MID1: variants seen among roughly 807,000 people sequenced by gnomAD.
MID1 encodes the protein midline 1.
MID1 carries 7 observed loss-of-function variants against 40.4 expected under a neutral mutation model. That is an observed-to-expected ratio of 0.17 (90% confidence interval 0.10 to 0.33). MID1 has a LOEUF of 0.33. Among genes scored for constraint, MID1 ranks in the 10% least tolerant of loss-of-function variants. The probability of loss-of-function intolerance (pLI) is 1.00; values close to 1 mark genes in which losing one functional copy is unlikely to be tolerated. For synonymous variants in MID1, 229 were observed against 221.2 expected (o/e 1.04, Z -0.31); for missense variants, 367 against 558.5 (o/e 0.66, Z 3.46).
At chrX:10,785,640 C>G in intron 1 of MID1, among the ~76,000 whole-genome samples, 1 of 110,702 alleles carries the variant, frequency 9.0e-6, no homozygotes, top group Non-Finnish European at 1.9e-5. Flanking sequence ...TGGAACAGAA[C>G]AGAGCCCTCA....
chrX:10,461,840 TGTTACAAAAAAATGACTATTGTG>T (rs1929062632), intron 7 of MID1, among the ~76,000 whole-genome samples: 1 of 112,203 alleles, frequency 8.9e-6, no homozygotes, highest in Admixed American at 9.5e-5. Context: ...TAATTGAATA[TGTTACAAAAAAATGACTATTGTG>T]GTCAAAGAAA....
chrX:10,509,366 A>C (rs925576018), intron 3 of MID1, among the ~76,000 whole-genome samples: 2 of 111,841 alleles, frequency 1.8e-5, no homozygotes, highest in African/African-American at 3.3e-5. Flanking sequence ...ATTATTTATA[A>C]GTGTTTTCCC....
chrX:10,540,116 G>A (rs1011559735), intron 2 of MID1, among the ~76,000 whole-genome samples: 2 of 112,058 alleles, frequency 1.8e-5, no homozygotes, highest in Non-Finnish European at 3.8e-5. Context: ...CACAAGAATC[G>A]CTTGAACCTT....
At chrX:10,667,052 AC>A (rs1948100676) in intron 1 of MID1, among the ~76,000 whole-genome samples, 1 of 111,225 alleles carries the variant, frequency 9.0e-6, no homozygotes, top group African/African-American at 3.3e-5. Context: ...TGGGGGTGGG[AC>A]AGGGAAGTGG....
chrX:10,668,967 C>CCCAG (rs1172717278), intron 1 of MID1, among the ~76,000 whole-genome samples: 1 of 110,962 alleles, frequency 9.0e-6, no homozygotes, highest in Non-Finnish European at 1.9e-5. Flanking sequence ...CGCCTATAAT[C>CCCAG]CCAGCACTTT....
At chrX:10,575,822 A>G (rs1934857035) in intron 1 of MID1, among the ~76,000 whole-genome samples, 1 of 111,309 alleles carries the variant, frequency 9.0e-6, no homozygotes, top group Non-Finnish European at 1.9e-5. Flanking sequence ...TATAAATAAT[A>G]CATCAAGTAA....
chrX:10,548,010 A>G (rs897105579), intron 2 of MID1, among the ~76,000 whole-genome samples: 1 of 112,354 alleles, frequency 8.9e-6, no homozygotes, highest in African/African-American at 3.2e-5. Context: ...AGTACCTTCT[A>G]AAAGTTGTAA....
chrX:10,744,226 G>T (rs902733986), intron 1 of MID1, among the ~76,000 whole-genome samples: 1 of 111,949 alleles, frequency 8.9e-6, no homozygotes, highest in African/African-American at 3.2e-5. Flanking sequence ...GAAAATGTAA[G>T]AAGACCTGGA....
chrX:10,765,460 T>C (rs760675069), intron 1 of MID1, among the ~76,000 whole-genome samples: 51 of 112,671 alleles, frequency 4.5e-4, no homozygotes, highest in Non-Finnish European at 7.3e-4. Context: ...AGAAATGATT[T>C]ATCATGTAGC....
intron 4 of MID1, among the ~76,000 whole-genome samples, chrX:10,488,517 T>A (rs1452208353): frequency 3.6e-5 from 4 of 112,124 alleles, no homozygotes; most frequent in Admixed American, 2.8e-4. Flanking sequence ...GGAAGCAGTA[T>A]CTCATTGAAA....
chrX:10,724,151 C>T (rs2043375310), intron 1 of MID1, among the ~76,000 whole-genome samples: 1 of 111,593 alleles, frequency 9.0e-6, no homozygotes, highest in African/African-American at 3.3e-5. Context: ...CAGCCTCAAC[C>T]TACCGGGTTC....
intron 1 of MID1, among the ~76,000 whole-genome samples, chrX:10,584,203 C>G (rs1569115878): frequency 9.0e-6 from 1 of 111,632 alleles, no homozygotes; most frequent in Non-Finnish European, 1.9e-5. Context: ...CGGCATTAAT[C>G]CATTCGTAAG....
upstream of MID1, among the ~76,000 whole-genome samples, chrX:10,625,509 T>C (rs1244760950): frequency 8.9e-6 from 1 of 112,126 alleles, no homozygotes; most frequent in African/African-American, 3.2e-5. Flanking sequence ...GTTTACTGAG[T>C]TGTTGTGACT....
intron 2 of MID1, among the ~76,000 whole-genome samples, chrX:10,566,215 A>T (rs1354383852): frequency 9.0e-6 from 1 of 111,488 alleles, no homozygotes; most frequent in African/African-American, 3.3e-5. Flanking sequence ...AATAGTCTTG[A>T]CTGTAACCTT....
At chrX:10,816,869 T>G (rs2044138909) in intron 1 of MID1, among the ~76,000 whole-genome samples, 2 of 111,842 alleles carry the variant, frequency 1.8e-5, no homozygotes, top group Admixed American at 1.9e-4. Flanking sequence ...GTACCTCCTT[T>G]CAAAAGGGTT....
chrX:10,502,365 T>A (rs776160146), intron 3 of MID1, among the ~76,000 whole-genome samples: 1 of 112,399 alleles, frequency 8.9e-6, no homozygotes, highest in South Asian at 3.7e-4. Flanking sequence ...TGACTTGATA[T>A]ATCACTTCTT....
chrX:10,550,792 T>C, intron 2 of MID1, among the ~76,000 whole-genome samples: 1 of 111,381 alleles, frequency 9.0e-6, no homozygotes, highest in Non-Finnish European at 1.9e-5. Context: ...TCCGTGGCCT[T>C]GACCCATTGT....
chrX:10,706,910 CTA>C (rs891025283), intron 1 of MID1, among the ~76,000 whole-genome samples: 1 of 111,716 alleles, frequency 9.0e-6, no homozygotes, highest in Non-Finnish European at 1.9e-5. Flanking sequence ...CCGTGCATTA[CTA>C]TGTTTTCAAA....
chrX:10,462,817 G>A (rs778133637), intron 7 of MID1, among the ~76,000 whole-genome samples: 36 of 111,807 alleles, frequency 3.2e-4, no homozygotes, highest in African/African-American at 1.2e-3. Context: ...GACAGTCTTA[G>A]GAGAGGCTGC....
Sources: gnomAD v4.1 joint callset for allele counts (sites outside exome capture counted in the v4.1 genomes callset) on GRCh38, gnomAD v4.1.1 for gene constraint, MANE v1.5 for transcripts, NCBI Gene and HGNC (gene_info 2026-07-23, HGNC 2026-07-21) for gene names.